The following STAT5B variants were observed in gnomAD, a reference collection of about 807,000 sequenced individuals.
The protein encoded by STAT5B is transcription factor STAT5B.
Under a neutral mutation model 107.8 loss-of-function variants are expected in STAT5B, and 21 were observed. That is an observed-to-expected ratio of 0.19 (90% CI 0.14 to 0.28). The LOEUF is 0.28. Among genes scored for constraint, STAT5B ranks in the 10% least tolerant of loss-of-function variants. The pLI is 1.00. For missense variants in STAT5B, 565 were observed against 1,008.2 expected, an observed-to-expected ratio of 0.56 and a Z score of 5.95; for synonymous variants, 325 against 401.7, an observed-to-expected ratio of 0.81 and a Z score of 2.28.
At chr17:42,256,589 G>A (rs113064080) in intron 1 of STAT5B, among the ~76,000 whole-genome samples, 57 of 152,310 alleles carry the variant, frequency 3.7e-4, no homozygotes, top group African/African-American at 1.3e-3. Flanking sequence ...GCCAGGCACA[G>A]TGGCTCACGC....
intron 1 of STAT5B, among the ~76,000 whole-genome samples, chr17:42,249,242 A>C (rs1480629038): frequency 6.6e-6 from 1 of 151,998 alleles, no homozygotes; most frequent in Non-Finnish European, 1.5e-5. Context: ...AAATATACAA[A>C]ATTAGCTGGG....
chr17:42,228,105 G>C (rs921719129), intron 2 of STAT5B, among the ~76,000 whole-genome samples: 7 of 152,188 alleles, frequency 4.6e-5, no homozygotes, highest in Admixed American at 2.6e-4. Flanking sequence ...TCTTCTACAT[G>C]TCCTTTCCAG....
At chr17:42,222,830 C>A (rs962431839) in intron 5 of STAT5B, among the ~76,000 whole-genome samples, 1 of 151,444 alleles carries the variant, frequency 6.6e-6, no homozygotes, top group Non-Finnish European at 1.5e-5. Flanking sequence ...TACATGCATG[C>A]GCCACTGGGA....
rs147688456 is a variant in STAT5B, at chr17:42,229,090, G to A, written c.129-1405C>T. 4.5e-3 allele frequency among the ~76,000 whole-genome samples: 681 copies of A among 152,272 alleles called. 5 individuals carry two copies. Among genetic ancestry groups the A allele is most frequent in the Middle Eastern group, 0.034 (10 of 294 alleles). ...AGAATACGTATTAAATGAAAGGCTG[G>A]AAGGAATGAGGGCAGCCCTGCACCT... is the stretch of plus-strand genomic sequence containing the variant. On this transcript the variant is annotated intron_variant, in intron 2 of 18. Coordinates refer to ENST00000293328, the MANE Select transcript of STAT5B (RefSeq NM_012448.4).
At chr17:42,262,940 ATATG>A (rs766388159) in intron 1 of STAT5B, among the ~76,000 whole-genome samples, 75 of 42,244 alleles carry the variant, frequency 1.8e-3, no homozygotes, top group Middle Eastern at 8.9e-3. Context: ...ATATGTATAT[ATATG>A]TGTGTGTGTG....
chr17:42,251,342 T>A (rs1358703997), intron 1 of STAT5B, among the ~76,000 whole-genome samples: 1 of 152,232 alleles, frequency 6.6e-6, no homozygotes, highest in Non-Finnish European at 1.5e-5. Flanking sequence ...CAACATTTCC[T>A]ATAAGAAGCT....
intron 9 of STAT5B, 114 bp downstream of exon 9, chr17:42,218,037 C>A: frequency 6.6e-7 from 1 of 1,525,492 alleles, no homozygotes; most frequent in East Asian, 2.4e-5. Context: ...TTGCTGATGC[C>A]CAGAAGAGGC....
At chr17:42,286,343 A>G in the STAT5B span, among the ~76,000 whole-genome samples, 1 of 152,084 alleles carries the variant, frequency 6.6e-6, no homozygotes, top group Non-Finnish European at 1.5e-5. Context: ...CCAAGGGCAC[A>G]GCCACTGGGC....
intron 1 of STAT5B, among the ~76,000 whole-genome samples, chr17:42,252,487 C>T (rs964523834): frequency 2.6e-5 from 4 of 152,128 alleles, no homozygotes; most frequent in African/African-American, 9.7e-5. Flanking sequence ...CAATATAGTA[C>T]TTGATATACA....
At chr17:42,256,104 T>A (rs745667753) in intron 1 of STAT5B, among the ~76,000 whole-genome samples, 12 of 152,182 alleles carry the variant, frequency 7.9e-5, no homozygotes, top group Non-Finnish European at 1.5e-4. Context: ...GTAAATTTTA[T>A]GATATATATA....
rs1486038634 is a variant in STAT5B at position 42,210,199 on chromosome 17, G to T, written c.1878C>A (p.Gly626=). 6.2e-7 allele frequency: 1 copy of T among 1,614,184 alleles called. No individual in the cohort carries two copies. The highest frequency in any genetic ancestry group is 8.5e-7 in the Non-Finnish European group (1 of 1,180,030). ...LLRFSDSEIG[G]ITIAWKFDSQ... ...AATCAAACTTCCAAGCAATGGTGAT[G>T]CCGCCAATTTCTGAGTCACTGAATC... Residue 626 remains glycine, a synonymous_variant, in exon 15 of 19, where the codon GGC becomes GGA. Coordinates refer to ENST00000293328, the MANE Select transcript of STAT5B (RefSeq NM_012448.4).
chr17:42,281,157 A>C (rs563591586), upstream of STAT5B, among the ~76,000 whole-genome samples: 91 of 151,854 alleles, frequency 6.0e-4, no homozygotes, highest in Middle Eastern at 6.8e-3. Context: ...AAAAACAAAA[A>C]CAAAAAAAAA....
At chr17:42,235,818 C>T (rs968098121) in intron 1 of STAT5B, among the ~76,000 whole-genome samples, 2 of 152,138 alleles carry the variant, frequency 1.3e-5, no homozygotes, top group Admixed American at 6.6e-5. Flanking sequence ...GTGTCTAGTA[C>T]GGTGGCTTGC....
chr17:42,283,981 C>T, the STAT5B span, among the ~76,000 whole-genome samples: 12 of 152,196 alleles, frequency 7.9e-5, no homozygotes, highest in South Asian at 2.1e-4. Context: ...TCCCCTTTGC[C>T]GCAGGGTGAA....
At chr17:42,233,461 C>A (rs2080333310) in intron 1 of STAT5B, among the ~76,000 whole-genome samples, 1 of 151,576 alleles carries the variant, frequency 6.6e-6, no homozygotes, top group Admixed American at 6.6e-5. Flanking sequence ...GAAATATGAA[C>A]CATTATACTC....
chr17:42,243,958 A>C (rs2080428285), intron 1 of STAT5B, among the ~76,000 whole-genome samples: 1 of 151,436 alleles, frequency 6.6e-6, no homozygotes, highest in Non-Finnish European at 1.5e-5. Flanking sequence ...CATCTGTATC[A>C]CTTTCCAGAT....
rs1388843099 is a variant in STAT5B at position 42,276,169 on chromosome 17, G to C, written c.-11+79C>G. On this transcript the variant is annotated intron_variant, in intron 1 of 18. Transcript: ENST00000293328. The surrounding 1 kb of genome is among the most constrained non-coding windows in gnomAD (Gnocchi z 4.8). ...GCCCTGACGGGCGGCTGAGCGGCTGGAGCGCGGGCCCCGCCCGGGCTGGCT... is the reference window on the plus strand; with the variant it reads ...GCCCTGACGGGCGGCTGAGCGGCTGCAGCGCGGGCCCCGCCCGGGCTGGCT... 4.0e-5 allele frequency: 6 copies of C among 148,590 alleles called. No homozygotes were observed. The highest frequency in any genetic ancestry group is 7.5e-5 in the Non-Finnish European group (5 of 66,788). 9.2% of individuals were successfully genotyped at this position (148,590 alleles called of 1,614,324 possible).
At chr17:42,225,203 C>A (rs180727288) in intron 3 of STAT5B, among the ~76,000 whole-genome samples, 7 of 152,056 alleles carry the variant, frequency 4.6e-5, no homozygotes, top group African/African-American at 1.7e-4. Context: ...TACAGGGGCC[C>A]GCCACCACGC....
chr17:42,235,999 T>C (rs1440042441), intron 1 of STAT5B, among the ~76,000 whole-genome samples: 1 of 152,224 alleles, frequency 6.6e-6, no homozygotes, highest in Admixed American at 6.5e-5. Context: ...CTATTTTGCC[T>C]TAAATTTTAG....
Sources: allele counts gnomAD v4.1 joint callset (sites outside exome capture counted in the v4.1 genomes callset), GRCh38; gene constraint gnomAD v4.1.1; non-coding constraint Gnocchi (gnomAD v3.1); transcripts MANE v1.5; gene names NCBI Gene and HGNC (gene_info 2026-07-23, HGNC 2026-07-21).